MSI2: variants seen among roughly 807,000 people sequenced by gnomAD.
MSI2 encodes the protein RNA-binding protein Musashi homolog 2.
Under a neutral mutation model 45.6 loss-of-function variants are expected in MSI2, and 17 were observed. That is an observed-to-expected ratio of 0.37 (90% CI 0.26 to 0.56). MSI2 has a LOEUF of 0.56. Among genes scored for constraint, MSI2 ranks in the 20% least tolerant of loss-of-function variants. The pLI is 0.77. For missense variants in MSI2, 293 were observed against 444.2 expected, an observed-to-expected ratio of 0.66 and a Z score of 3.06; for synonymous variants, 156 against 158.2, an observed-to-expected ratio of 0.99 and a Z score of 0.11.
intron 6 of MSI2, among the ~76,000 whole-genome samples, chr17:57,421,692 T>C (rs367768280): frequency 8.5e-4 from 130 of 152,260 alleles, no homozygotes; most frequent in South Asian, 7.1e-3. Context: ...GAGACCAGTG[T>C]GGGTCACATA....
intron 5 of MSI2, among the ~76,000 whole-genome samples, chr17:57,346,348 T>G (rs868261113): frequency 0.02 from 2,521 of 128,366 alleles, 85 homozygotes; most frequent in African/African-American, 0.07. Context: ...TAACACATTT[T>G]GGGGGGGGGG....
chr17:57,699,040 AGAGAGTGTGT>A, the MSI2 span, among the ~76,000 whole-genome samples: 2 of 31,368 alleles, frequency 6.4e-5, no homozygotes, highest in African/African-American at 6.0e-4. Context: ...AGAGAGAGAG[AGAGAGTGTGT>A]GTGTGTGTGT....
At chr17:57,323,987 A>G (rs986392526) in intron 5 of MSI2, among the ~76,000 whole-genome samples, 3 of 152,168 alleles carry the variant, frequency 2.0e-5, no homozygotes, top group African/African-American at 7.2e-5. Flanking sequence ...AAGGAAGACT[A>G]GGTTGTCCCT....
chr17:57,421,742 A>G (rs967443496), intron 6 of MSI2, among the ~76,000 whole-genome samples: 2 of 152,132 alleles, frequency 1.3e-5, no homozygotes, highest in Non-Finnish European at 2.9e-5. Context: ...CTGTACTCCT[A>G]GCTACATGGG....
chr17:57,661,718 A>T (rs1233933083), intron 11 of MSI2, among the ~76,000 whole-genome samples: 1 of 152,192 alleles, frequency 6.6e-6, no homozygotes, highest in African/African-American at 2.4e-5. Flanking sequence ...GTTGTTATTT[A>T]TTCCCTGCTT....
chr17:57,281,631 G>A (rs2143381039), intron 5 of MSI2, among the ~76,000 whole-genome samples: 1 of 152,224 alleles, frequency 6.6e-6, no homozygotes, highest in South Asian at 2.1e-4. Context: ...AAAAAGCCTT[G>A]TTTCCCAATA....
chr17:57,366,165 G>A (rs66533377), intron 5 of MSI2, among the ~76,000 whole-genome samples: 72,328 of 151,988 alleles, frequency 0.48, 19,951 homozygotes, highest in South Asian at 0.68. Context: ...CACCCGTTTC[G>A]GCCTCCCAAA....
chr17:57,392,937 T>A (rs1230917552), intron 5 of MSI2, among the ~76,000 whole-genome samples: 1 of 152,126 alleles, frequency 6.6e-6, no homozygotes, highest in Non-Finnish European at 1.5e-5. Flanking sequence ...AATGGTGCAA[T>A]TCAATGGATT....
intron 8 of MSI2, among the ~76,000 whole-genome samples, chr17:57,598,748 C>T (rs1567926503): frequency 2.0e-5 from 3 of 152,070 alleles, no homozygotes; most frequent in Admixed American, 6.5e-5. Flanking sequence ...CTGCAACCTC[C>T]GCCTCCCGGG....
At chr17:57,355,451 A>G (rs936912301) in intron 5 of MSI2, among the ~76,000 whole-genome samples, 24 of 152,312 alleles carry the variant, frequency 1.6e-4, no homozygotes, top group African/African-American at 5.3e-4. Context: ...ACAACAGTGT[A>G]TGTCCAGCTT....
Position 57,646,737 on chromosome 17 carries a change from C to T in MSI2, c.728-5362C>T, listed in dbSNP as rs76196531. Among the ~76,000 whole-genome samples, 495 of 152,320 alleles carry T rather than the reference C, an allele frequency of 3.2e-3. 3 individuals are homozygous for T. Among genetic ancestry groups the T allele is most frequent in the African/African-American group, 0.011 (471 of 41,570 alleles). ...AGCAAGAATGGGTCTTCGAGTCTGA[C>T]GCCCATTAAACAAGATGGTTCCCAC... is the stretch of plus-strand genomic sequence containing the variant. On this transcript the variant is annotated intron_variant, in intron 10 of 13. Transcript: ENST00000284073.
At chr17:57,452,390 T>C (rs1014408766) in intron 6 of MSI2, among the ~76,000 whole-genome samples, 8 of 152,260 alleles carry the variant, frequency 5.3e-5, no homozygotes, top group African/African-American at 1.9e-4. Flanking sequence ...CCAGGCCACC[T>C]TGCCTGCAAG....
intron 6 of MSI2, among the ~76,000 whole-genome samples, chr17:57,436,520 A>G (rs1488615722): frequency 6.6e-6 from 1 of 152,178 alleles, no homozygotes; most frequent in Non-Finnish European, 1.5e-5. Flanking sequence ...GTGGGGAGAG[A>G]GATCCAGCGT....
intron 5 of MSI2, among the ~76,000 whole-genome samples, chr17:57,369,086 T>C (rs2083383836): frequency 6.6e-6 from 1 of 152,176 alleles, no homozygotes; most frequent in Non-Finnish European, 1.5e-5. Context: ...TGAAGCTAGT[T>C]CCCAGGTGTG....
rs969154742 is a variant in MSI2 at position 57,683,109 on chromosome 17, C to T, written c.*3592C>T. The T allele has an allele frequency of 4.4e-6, 1 of 229,828 alleles. No individual in the cohort carries two copies. Among genetic ancestry groups the T allele is most frequent in the Non-Finnish European group, 8.6e-6 (1 of 115,952 alleles). 14.2% of individuals were successfully genotyped at this position (229,828 alleles called of 1,614,324 possible). A position where few individuals can be genotyped will look rare whatever the true frequency, so the allele number is the denominator to read the frequency against. On this transcript the variant is annotated 3_prime_UTR_variant, in exon 14 of 14. Coordinates refer to ENST00000284073, the MANE Select transcript of MSI2 (RefSeq NM_138962.4). The surrounding 1 kb of genome is among the most constrained non-coding windows in gnomAD (Gnocchi z 5.2). Reference sequence around the variant, plus strand: ...CCTTTGCGTTTTTATCCTTCATAACCTTCATCTTAATTTGAACTTGTAGCT... The same window carrying T: ...CCTTTGCGTTTTTATCCTTCATAACTTTCATCTTAATTTGAACTTGTAGCT...
intron 6 of MSI2, chr17:57,448,894 G>A (rs1598282061): frequency 2.0e-5 from 3 of 152,254 alleles, no homozygotes; most frequent in African/African-American, 4.8e-5. Flanking sequence ...GGGGAGAATC[G>A]TTAGGAAGGA....
chr17:57,333,685 G>T (rs1280593546), intron 5 of MSI2, among the ~76,000 whole-genome samples: 2 of 151,942 alleles, frequency 1.3e-5, no homozygotes, highest in African/African-American at 4.8e-5. Flanking sequence ...CAGGTGATCT[G>T]CTGGCCTCCG....
chr17:57,545,405 C>T (rs903682756), intron 7 of MSI2, among the ~76,000 whole-genome samples: 5 of 150,556 alleles, frequency 3.3e-5, no homozygotes, highest in African/African-American at 1.2e-4. Flanking sequence ...GCTAGGAGCA[C>T]GTGCCCTTCT....
At chr17:57,365,329 A>G (rs1303302981) in intron 5 of MSI2, among the ~76,000 whole-genome samples, 1 of 152,240 alleles carries the variant, frequency 6.6e-6, no homozygotes, top group Non-Finnish European at 1.5e-5. Context: ...TACCTACTTT[A>G]AATGGTTATT....
Sources: allele counts gnomAD v4.1 joint callset (sites outside exome capture counted in the v4.1 genomes callset), GRCh38; gene constraint gnomAD v4.1.1; non-coding constraint Gnocchi (gnomAD v3.1); transcripts MANE v1.5; gene names NCBI Gene and HGNC (gene_info 2026-07-23, HGNC 2026-07-21).